CCDC178: variants seen among roughly 807,000 people sequenced by gnomAD.
CCDC178 encodes coiled-coil domain containing 178, also known as coiled-coil domain-containing protein 178.
In CCDC178, 126 loss-of-function variants were observed where a neutral mutation model predicts 117.4. That is an observed-to-expected ratio of 1.07 (90% CI 0.93 to 1.24). The LOEUF is 1.24. CCDC178 is among the 50% of genes most tolerant of loss of function. The pLI is 0.00. For synonymous variants in CCDC178, 283 were observed against 313.4 expected, an observed-to-expected ratio of 0.90 and a Z score of 1.02; for missense variants, 1,030 against 986.9, an observed-to-expected ratio of 1.04 and a Z score of -0.59.
At position 33,398,685 on chromosome 18, in the gene CCDC178, AC is replaced by A. The variant is rs1340906554; in HGVS notation, c.59-1478del. 4.7e-4 allele frequency among the ~76,000 whole-genome samples: 71 copies of A among 152,190 alleles called. 1 individual carries two copies. The highest frequency in any genetic ancestry group is 4.4e-5 in the Non-Finnish European group (3 of 68,036). ...CAGTTAACTGGAGGAATGAGGGAACACATTAGAGTGAAATAATGACCACACC... is the reference window on the plus strand; with the variant it reads ...CAGTTAACTGGAGGAATGAGGGAACAATTAGAGTGAAATAATGACCACACC... On this transcript the variant is annotated intron_variant, in intron 3 of 22. Transcript: ENST00000383096.
chr18:32,946,811 G>T (rs1464894311), intron 22 of CCDC178, among the ~76,000 whole-genome samples: 2 of 142,296 alleles, frequency 1.4e-5, no homozygotes, highest in Admixed American at 7.5e-5. Flanking sequence ...ACAGAGTCTC[G>T]CTCTGTCACC....
At chr18:33,369,083 T>C (rs1004948320) in intron 6 of CCDC178, among the ~76,000 whole-genome samples, 1 of 151,912 alleles carries the variant, frequency 6.6e-6, no homozygotes, top group African/African-American at 2.4e-5. Context: ...ATCAGTCCTG[T>C]GACCTATAAA....
At position 33,267,271 on chromosome 18, in the gene CCDC178, G is replaced by A. The variant is rs2059830906; in HGVS notation, c.1203C>T (p.Asp401=). 1 of 1,601,554 alleles carries A rather than the reference G, an allele frequency of 6.2e-7. No individual in the cohort carries two copies. The highest frequency in any genetic ancestry group is 1.3e-5 in the African/African-American group (1 of 74,350). ...KMLEDLRRVY[D]QLTWKQKSHE... ...GACTTTTTTGCTTCCAGGTTAGTTG[G>A]TCATAAACTCTTCTCAAATCTTCCA... The change falls in exon 13 of 23, where the codon GAC becomes GAT. Residue 401 remains aspartate, a synonymous_variant. Coordinates refer to ENST00000383096, the MANE Select transcript of CCDC178 (RefSeq NM_001105528.4).
intron 9 of CCDC178, among the ~76,000 whole-genome samples, chr18:33,339,534 AAGC>A (rs770296014): frequency 6.6e-6 from 1 of 151,490 alleles, no homozygotes; most frequent in Non-Finnish European, 1.5e-5. Flanking sequence ...AAAATGACTC[AAGC>A]AGCAACAGAA....
chr18:33,240,115 T>C (rs2144675256), intron 15 of CCDC178, among the ~76,000 whole-genome samples: 1 of 152,032 alleles, frequency 6.6e-6, no homozygotes, highest in African/African-American at 2.4e-5. Context: ...GCATGGCATT[T>C]AAACAATATG....
intron 6 of CCDC178, among the ~76,000 whole-genome samples, chr18:33,358,863 C>T (rs1041177396): frequency 6.6e-6 from 1 of 151,508 alleles, no homozygotes; most frequent in Non-Finnish European, 1.5e-5. Context: ...GTAACAAGTT[C>T]CTAAAAGTCA....
intron 6 of CCDC178, among the ~76,000 whole-genome samples, chr18:33,358,479 G>C (rs1396812404): frequency 6.6e-6 from 1 of 151,740 alleles, no homozygotes; most frequent in African/African-American, 2.4e-5. Flanking sequence ...GCCAGAAATA[G>C]GTAAAATCAT....
intron 15 of CCDC178, among the ~76,000 whole-genome samples, chr18:33,229,094 A>G (rs553197990): frequency 3.4e-4 from 52 of 152,278 alleles, no homozygotes; most frequent in African/African-American, 1.2e-3. Context: ...ATACTTATTA[A>G]GGAGCATATT....
chr18:33,017,541 A>G (rs1298600502), intron 21 of CCDC178, among the ~76,000 whole-genome samples: 1 of 152,010 alleles, frequency 6.6e-6, no homozygotes, highest in East Asian at 1.9e-4. Context: ...GTTTAAAATA[A>G]TCCCAATAAA....
Position 32,994,974 on chromosome 18 carries a change from T to C in CCDC178, c.2389-20293A>G, listed in dbSNP as rs1000011197. ...TTCTGTTTAATGGCTCATTTGAAAATAGTATTTTGTTTGTCATTTTGATGA... is the reference window on the plus strand; with the variant it reads ...TTCTGTTTAATGGCTCATTTGAAAACAGTATTTTGTTTGTCATTTTGATGA... On this transcript the variant is annotated intron_variant, in intron 21 of 22. Coordinates refer to ENST00000383096, the MANE Select transcript of CCDC178 (RefSeq NM_001105528.4). Among the ~76,000 whole-genome samples, 42 of 152,090 alleles carry C rather than the reference T, an allele frequency of 2.8e-4. 1 individual carries two copies. The highest frequency in any genetic ancestry group is 9.9e-4 in the African/African-American group (41 of 41,392).
chr18:33,412,890 C>T (rs2063878629), intron 2 of CCDC178, among the ~76,000 whole-genome samples: 1 of 152,138 alleles, frequency 6.6e-6, no homozygotes, highest in Admixed American at 6.5e-5. Context: ...TTAGTCTATG[C>T]GTTCTCCCTG....
intron 20 of CCDC178, among the ~76,000 whole-genome samples, chr18:33,098,791 T>C (rs1220031169): frequency 2.0e-5 from 3 of 152,050 alleles, no homozygotes; most frequent in Admixed American, 6.6e-5. Context: ...GGAAGTTTAC[T>C]TTACGGATTC....
At chr18:33,353,117 A>G (rs1414862276) in intron 7 of CCDC178, among the ~76,000 whole-genome samples, 1 of 151,914 alleles carries the variant, frequency 6.6e-6, no homozygotes, top group African/African-American at 2.4e-5. Context: ...TATAGTTTAT[A>G]TATCTTCTTG....
chr18:33,432,121 C>G (rs976504561), intron 2 of CCDC178, among the ~76,000 whole-genome samples: 5 of 152,130 alleles, frequency 3.3e-5, no homozygotes, highest in Admixed American at 3.3e-4. Context: ...TCTATGAGAT[C>G]CATGAAAAGG....
chr18:32,950,638 A>G (rs1239787166), intron 22 of CCDC178, among the ~76,000 whole-genome samples: 2 of 152,146 alleles, frequency 1.3e-5, no homozygotes, highest in Non-Finnish European at 2.9e-5. Context: ...AACTGGTGAT[A>G]TGGCTGTGTG....
At chr18:33,329,950 CTTT>C (rs1205443998) in intron 10 of CCDC178, among the ~76,000 whole-genome samples, 7 of 64,484 alleles carry the variant, frequency 1.1e-4, no homozygotes, top group Admixed American at 1.5e-4. Flanking sequence ...TGGTCCTGGG[CTTT>C]TTTTTTTTTT....
intron 20 of CCDC178, among the ~76,000 whole-genome samples, chr18:33,190,367 T>C (rs2058842852): frequency 6.6e-6 from 1 of 152,198 alleles, no homozygotes; most frequent in Non-Finnish European, 1.5e-5. Flanking sequence ...TTGACTGATA[T>C]AAATTCCTTC....
At position 33,172,857 on chromosome 18, in the gene CCDC178, A is replaced by G. The variant is rs568147510; in HGVS notation, c.2238+39039T>C. ...AATTCTTTCACTTATGAAGAAATGT[A>G]CACATTTAGGTCTTTCTATCTTGTA... On this transcript the variant is annotated intron_variant, in intron 20 of 22. Coordinates refer to ENST00000383096, the MANE Select transcript of CCDC178 (RefSeq NM_001105528.4). Among the ~76,000 whole-genome samples the G allele has an allele frequency of 9.2e-5, 14 of 152,298 alleles. No individual in the cohort carries two copies. The South Asian group carries it at 2.1e-3, about 23-fold the overall frequency.
rs1004573746 is a variant in CCDC178, at chr18:33,313,603, A to G, written c.1022+9888T>C. Among the ~76,000 whole-genome samples the G allele has an allele frequency of 5.3e-5, 8 of 152,190 alleles. No individual in the cohort carries two copies. In the South Asian group the frequency reaches 1.7e-3, roughly 31 times the overall value. On this transcript the variant is annotated intron_variant, in intron 11 of 22. Transcript: ENST00000383096. ...TAACACTCTGGCCAGGAAGTCCTTT[A>G]TAACTGGGTTTGCAAAAGTATGACT...
Sources: gnomAD v4.1 joint callset for allele counts (sites outside exome capture counted in the v4.1 genomes callset) on GRCh38, gnomAD v4.1.1 for gene constraint, MANE v1.5 for transcripts, NCBI Gene and HGNC (gene_info 2026-07-23, HGNC 2026-07-21) for gene names.